The following LARGE1 variants were observed in gnomAD, a reference collection of about 807,000 sequenced individuals.
The protein encoded by LARGE1 is LARGE xylosyl- and glucuronyltransferase 1, also known as xylosyl- and glucuronyltransferase LARGE1.
A neutral mutation model predicts 87.6 loss-of-function variants in LARGE1; 43 were observed. The ratio of observed to expected loss-of-function variants is 0.49; its 90% CI spans 0.38 to 0.63. The LOEUF is 0.63. Ranked by LOEUF, LARGE1 falls within the 30% of genes least tolerant of loss-of-function variation. The probability of loss-of-function intolerance (pLI) is 0.00; values close to 1 mark genes in which losing one functional copy is unlikely to be tolerated. For missense variants in LARGE1, 802 were observed against 1,000.2 expected, an observed-to-expected ratio of 0.80 and a Z score of 2.67; for synonymous variants, 434 against 394.6, an observed-to-expected ratio of 1.10 and a Z score of -1.18.
At chr22:33,522,559 G>T (rs988201005) in intron 6 of LARGE1, among the ~76,000 whole-genome samples, 15 of 152,198 alleles carry the variant, frequency 9.9e-5, no homozygotes, top group African/African-American at 3.6e-4. Context: ...AAGGCCAGGT[G>T]CGGTGGCTGA....
At chr22:33,828,746 A>C (rs2062871934) in intron 1 of LARGE1, among the ~76,000 whole-genome samples, 1 of 152,226 alleles carries the variant, frequency 6.6e-6, no homozygotes, top group Admixed American at 6.5e-5. Context: ...AAATGAATGC[A>C]TGCATAAACG....
chr22:33,173,434 A>G (rs1409291486), intron 11 of LARGE1, among the ~76,000 whole-genome samples: 2 of 152,202 alleles, frequency 1.3e-5, no homozygotes, highest in Non-Finnish European at 1.5e-5. Context: ...CTATGAAGAA[A>G]CTGCATCAAC....
intron 6 of LARGE1, among the ~76,000 whole-genome samples, chr22:33,541,946 T>C (rs1177343377): frequency 6.6e-6 from 1 of 151,942 alleles, no homozygotes; most frequent in Non-Finnish European, 1.5e-5. Flanking sequence ...GTGGATCACC[T>C]GAGGTCAAGA....
At chr22:33,243,944 A>C (rs1469989270) in intron 11 of LARGE1, among the ~76,000 whole-genome samples, 1 of 152,118 alleles carries the variant, frequency 6.6e-6, no homozygotes, top group Non-Finnish European at 1.5e-5. Context: ...CCAATAGTAA[A>C]TAATGTGGTC....
In LARGE1 at chr22:33,866,744, A is replaced by G. The variant is rs150554013; in HGVS notation, c.-83+53251T>C. 3.7e-4 allele frequency among the ~76,000 whole-genome samples: 57 copies of G among 152,278 alleles called. No individual in the cohort carries two copies. The East Asian group carries it at 7.7e-3, about 21-fold the overall frequency. On this transcript the variant is annotated intron_variant, in intron 1 of 14. Transcript: ENST00000397394. ...TTATGGTGCACGGTGGATTGCTGCG[A>G]GGATTAGAAAGACTTTTATAGAAAG...
At chr22:33,570,556 G>C (rs534358177) in intron 5 of LARGE1, among the ~76,000 whole-genome samples, 2 of 149,804 alleles carry the variant, frequency 1.3e-5, no homozygotes, top group Non-Finnish European at 2.9e-5. Context: ...GCTGAGGCAG[G>C]AGAATCGCTT....
chr22:33,516,395 C>T (rs2071304894), intron 6 of LARGE1, among the ~76,000 whole-genome samples: 2 of 152,046 alleles, frequency 1.3e-5, no homozygotes, highest in East Asian at 1.9e-4. Flanking sequence ...CTTGTGCTGA[C>T]GAAGACCCTG....
chr22:33,727,942 G>A (rs929909488), intron 2 of LARGE1, among the ~76,000 whole-genome samples: 5 of 152,130 alleles, frequency 3.3e-5, no homozygotes. Context: ...TGAGATCAAA[G>A]GACTGGGGAC....
chr22:33,847,672 A>G (rs2063473842), intron 1 of LARGE1, among the ~76,000 whole-genome samples: 1 of 152,196 alleles, frequency 6.6e-6, no homozygotes, highest in Admixed American at 6.5e-5. Flanking sequence ...CAAGGACTCC[A>G]CCAGATGTAC....
At chr22:33,922,263 G>C (rs71313185), upstream of LARGE1, among the ~76,000 whole-genome samples, 13,775 of 145,668 alleles carry the variant, frequency 0.095, 767 homozygotes, top group Middle Eastern at 0.17. Flanking sequence ...CACTCCTCGA[G>C]GTCGGGCTGG....
chr22:33,865,832 C>CTTTTTTTTTTTTTTTT lies in LARGE1; in HGVS notation c.-83+54147_-83+54162dup, dbSNP rs3072359. The stretch of plus-strand genomic sequence containing the variant: ...TAAGCATTCAATGTTAGCTGTTATT[C>CTTTTTTTTTTTTTTTT]TTTTTTTTTTTTTTTTTTTTTTTTT... On this transcript the variant is annotated intron_variant, in intron 1 of 14. Transcript: ENST00000397394. Among the ~76,000 whole-genome samples the CTTTTTTTTTTTTTTTT allele has an allele frequency of 4.6e-4, 13 of 28,394 alleles. 6 individuals carry two copies. The highest frequency in any genetic ancestry group is 6.4e-4 in the African/African-American group (6 of 9,350). 18.6% of individuals were successfully genotyped at this position (28,394 alleles called of 152,430 possible). A position where few individuals can be genotyped will look rare whatever the true frequency, so the allele number is the denominator to read the frequency against.
the LARGE1 span, among the ~76,000 whole-genome samples, chr22:33,155,989 T>C: frequency 3.3e-5 from 5 of 152,180 alleles, no homozygotes; most frequent in Admixed American, 2.6e-4. Flanking sequence ...GCATCTTCCA[T>C]GTAGTGTTGA....
the LARGE1 span, among the ~76,000 whole-genome samples, chr22:33,091,779 G>C: frequency 1.3e-5 from 2 of 152,180 alleles, no homozygotes; most frequent in Admixed American, 6.5e-5. Context: ...TGGTAATACC[G>C]ATCCTGGAGA....
intron 2 of LARGE1, among the ~76,000 whole-genome samples, chr22:33,672,207 T>C (rs998048932): frequency 2.0e-5 from 3 of 152,150 alleles, no homozygotes; most frequent in East Asian, 1.9e-4. Context: ...TACCCACGTG[T>C]CTCTCACGCT....
upstream of LARGE1, among the ~76,000 whole-genome samples, chr22:33,921,602 T>C (rs1469208148): frequency 1.3e-5 from 2 of 152,226 alleles, no homozygotes; most frequent in African/African-American, 4.8e-5. This position sits in a 1 kb window ranked among gnomAD's most constrained non-coding sequence, Gnocchi z 4.1. Flanking sequence ...GGGATCGGTA[T>C]CCAAGAATCC....
intron 7 of LARGE1, among the ~76,000 whole-genome samples, chr22:33,404,993 T>C (rs1485589472): frequency 6.6e-6 from 1 of 152,172 alleles, no homozygotes; most frequent in Non-Finnish European, 1.5e-5. Flanking sequence ...CACTTCTGCA[T>C]TGGGTAGTGG....
At chr22:33,542,248 T>C (rs1328944873) in intron 6 of LARGE1, among the ~76,000 whole-genome samples, 1 of 151,698 alleles carries the variant, frequency 6.6e-6, no homozygotes, top group Non-Finnish European at 1.5e-5. Flanking sequence ...GACTACAATC[T>C]AGCATGATTT....
At chr22:33,627,300 C>T (rs2079951832) in intron 3 of LARGE1, among the ~76,000 whole-genome samples, 2 of 152,188 alleles carry the variant, frequency 1.3e-5, no homozygotes, top group Admixed American at 6.5e-5. Context: ...TCTAGGGCAT[C>T]CCCGACGGGA....
At chr22:33,686,112 C>T (rs892944743) in intron 2 of LARGE1, among the ~76,000 whole-genome samples, 2 of 152,212 alleles carry the variant, frequency 1.3e-5, no homozygotes, top group Non-Finnish European at 2.9e-5. Context: ...AATCAGCCGA[C>T]TCTCTTTCCT....
Sources: allele counts gnomAD v4.1 joint callset (sites outside exome capture counted in the v4.1 genomes callset), GRCh38; gene constraint gnomAD v4.1.1; non-coding constraint Gnocchi (gnomAD v3.1); transcripts MANE v1.5; gene names NCBI Gene and HGNC (gene_info 2026-07-23, HGNC 2026-07-21).